The following SSH2 variants were observed in gnomAD, a reference collection of about 807,000 sequenced individuals.
SSH2 encodes the protein protein phosphatase Slingshot homolog 2.
Under a neutral mutation model 135.2 loss-of-function variants are expected in SSH2, and 37 were observed. The observed-to-expected ratio is 0.27, with a 90% CI of 0.21 to 0.36. SSH2 has a LOEUF of 0.36. Ranked by LOEUF, SSH2 falls within the 10% of genes least tolerant of loss-of-function variation. The probability of loss-of-function intolerance (pLI) is 1.00; values close to 1 mark genes in which losing one functional copy is unlikely to be tolerated. For synonymous variants in SSH2, 628 were observed against 646.2 expected, an observed-to-expected ratio of 0.97 and a Z score of 0.43; for missense variants, 1,408 against 1,765.3, an observed-to-expected ratio of 0.80 and a Z score of 3.63.
intron 5 of SSH2, among the ~76,000 whole-genome samples, chr17:29,690,953 GACAC>G (rs1355340074): frequency 6.6e-6 from 1 of 150,698 alleles, no homozygotes; most frequent in Non-Finnish European, 1.5e-5. Flanking sequence ...CACACACATA[GACAC>G]ACACACTCTC....
At chr17:29,800,200 C>T (rs376808351) in intron 2 of SSH2, among the ~76,000 whole-genome samples, 5 of 148,666 alleles carry the variant, frequency 3.4e-5, no homozygotes, top group African/African-American at 7.5e-5. Context: ...CTGTTTACTT[C>T]GAAAAAAAAA....
chr17:29,666,686 C>T (rs753480720), intron 11 of SSH2, among the ~76,000 whole-genome samples, 181 bp downstream of exon 11: 5 of 152,100 alleles, frequency 3.3e-5, no homozygotes, highest in East Asian at 1.9e-4. Flanking sequence ...GTCACACACA[C>T]GCACACACAC....
chr17:29,704,434 G>A (rs2151129194), intron 3 of SSH2, among the ~76,000 whole-genome samples: 1 of 152,230 alleles, frequency 6.6e-6, no homozygotes, highest in Middle Eastern at 3.4e-3. Context: ...GGTCACAGTG[G>A]TTCATGCCTG....
At chr17:29,899,289 CAGA>C (rs1311532249) in intron 1 of SSH2, among the ~76,000 whole-genome samples, 1 of 151,662 alleles carries the variant, frequency 6.6e-6, no homozygotes, top group African/African-American at 2.4e-5. Flanking sequence ...GGCAATCAGG[CAGA>C]AGAAGGAAAT....
chr17:29,848,703 C>A lies in SSH2; in HGVS notation c.144+146G>T, dbSNP rs2065490612. 8 of 538,306 alleles carry A rather than the reference C, an allele frequency of 1.5e-5. 1 individual carries two copies. Among genetic ancestry groups the A allele is most frequent in the Non-Finnish European group, 2.6e-5 (8 of 304,006 alleles). The allele number at this position is 538,306 out of a possible 1,614,324, so 33.3% of individuals were successfully genotyped here. ...TTATATATACACTCATTCTAAGCCA[C>A]CTATTTGCCTTCCCAGACATTTGGC... On this transcript the variant is annotated intron_variant, in intron 2 of 15. Coordinates refer to ENST00000540801, the MANE Select transcript of SSH2 (RefSeq NM_001282129.2).
intron 3 of SSH2, among the ~76,000 whole-genome samples, chr17:29,757,309 T>C (rs2041159703): frequency 6.6e-6 from 1 of 152,328 alleles, no homozygotes; most frequent in Middle Eastern, 3.4e-3. Flanking sequence ...TTAAAATATA[T>C]TTATTTACTC....
At chr17:29,786,924 A>G (rs1006015743) in intron 3 of SSH2, among the ~76,000 whole-genome samples, 2 of 152,126 alleles carry the variant, frequency 1.3e-5, no homozygotes, top group Non-Finnish European at 2.9e-5. Context: ...ACCCTGTCTC[A>G]ATCAATCAAT....
rs1190202309 is a variant in SSH2, at chr17:29,814,303, C to CGG, written c.145-20367_145-20366insCC. 3.7e-3 allele frequency among the ~76,000 whole-genome samples: 548 copies of CGG among 148,692 alleles called. 3 individuals are homozygous for CGG. The highest frequency in any genetic ancestry group is 0.013 in the African/African-American group (525 of 40,394). On this transcript the variant is annotated intron_variant, in intron 2 of 15. Transcript: ENST00000540801. ...ACAAAAAATTAGCCGGGCGTGGTGG[C>CGG]GCGCTTGTAGTCCCAGCTACTCGGG... is the stretch of plus-strand genomic sequence containing the variant.
chr17:29,799,967 T>C (rs891975303), intron 2 of SSH2, among the ~76,000 whole-genome samples: 2 of 152,210 alleles, frequency 1.3e-5, no homozygotes, highest in Admixed American at 1.3e-4. Flanking sequence ...CAGAGGGAGC[T>C]GAAGAAGAAG....
rs13380874 is a variant in SSH2 at position 29,653,669 on chromosome 17, C to T, written c.1079+1892G>A. 5.0e-3 allele frequency among the ~76,000 whole-genome samples: 756 copies of T among 152,218 alleles called. 4 individuals are homozygous for T. Among genetic ancestry groups the T allele is most frequent in the African/African-American group, 0.017 (721 of 41,530 alleles). The stretch of plus-strand genomic sequence containing the variant: ...TGGCATGATCTCAGCTCACTGCAAC[C>T]GCCACCTCCCGGGTTCAAGCAATTC... On this transcript the variant is annotated intron_variant, in intron 12 of 15. Transcript: ENST00000540801.
chr17:29,760,994 C>T lies in SSH2; in HGVS notation c.188+32900G>A, dbSNP rs531994828. 3.2e-5 allele frequency: 22 copies of T among 689,370 alleles called. No homozygotes were observed. The Middle Eastern group carries it at 1.4e-3, about 43-fold the overall frequency. The allele number at this position is 689,370 out of a possible 1,614,324, so 42.7% of individuals were successfully genotyped here. A position where few individuals can be genotyped will look rare whatever the true frequency, so the allele number is the denominator to read the frequency against. On this transcript the variant is annotated intron_variant, in intron 3 of 15. Coordinates refer to ENST00000540801, the MANE Select transcript of SSH2 (RefSeq NM_001282129.2). ...GAATCCCCCCACCGTTCTACCCCAG[C>T]ATCCTTCCCTCCAGACGCACGGAGA... is the stretch of plus-strand genomic sequence containing the variant.
At chr17:29,704,717 A>AC (rs1269360242) in intron 3 of SSH2, among the ~76,000 whole-genome samples, 1 of 151,364 alleles carries the variant, frequency 6.6e-6, no homozygotes, top group African/African-American at 2.4e-5. Flanking sequence ...AAAAAAAAAA[A>AC]AAAAAAAAGC....
At chr17:29,745,777 A>G (rs1024639348) in intron 3 of SSH2, among the ~76,000 whole-genome samples, 3 of 152,180 alleles carry the variant, frequency 2.0e-5, no homozygotes, top group Non-Finnish European at 4.4e-5. Context: ...TTAAGCTACC[A>G]TATCGTATTT....
At chr17:29,689,342 AT>A (rs1412269569) in intron 5 of SSH2, among the ~76,000 whole-genome samples, 1 of 152,224 alleles carries the variant, frequency 6.6e-6, no homozygotes, top group African/African-American at 2.4e-5. Context: ...TAAATTTAAA[AT>A]GGCAATTTTG....
intron 2 of SSH2, among the ~76,000 whole-genome samples, chr17:29,825,808 C>T (rs2151352170): frequency 1.3e-5 from 2 of 152,298 alleles, no homozygotes; most frequent in East Asian, 3.8e-4. Flanking sequence ...GTTTTAAACA[C>T]CTGTCATTAT....
intron 2 of SSH2, among the ~76,000 whole-genome samples, chr17:29,839,633 A>G (rs375058228): frequency 2.0e-5 from 3 of 152,192 alleles, no homozygotes; most frequent in African/African-American, 7.2e-5. Flanking sequence ...TGAAGAAGAA[A>G]TATGTCAGGT....
intron 1 of SSH2, among the ~76,000 whole-genome samples, chr17:29,857,635 T>G (rs2065686420): frequency 6.6e-6 from 1 of 152,050 alleles, no homozygotes; most frequent in South Asian, 2.1e-4. Context: ...GACTAAAAAT[T>G]ACCACACCCA....
intron 1 of SSH2, among the ~76,000 whole-genome samples, chr17:29,849,541 T>C (rs2151388208): frequency 6.6e-6 from 1 of 151,704 alleles, no homozygotes; most frequent in Non-Finnish European, 1.5e-5. Context: ...CTCTGAACTC[T>C]TCTCAGACTG....
chr17:29,657,820 C>T (rs985518750), intron 11 of SSH2, among the ~76,000 whole-genome samples: 2 of 151,672 alleles, frequency 1.3e-5, no homozygotes, highest in African/African-American at 4.8e-5. Context: ...AGTGATCCTC[C>T]CCACCTTGGC....
Sources: allele counts gnomAD v4.1 joint callset (sites outside exome capture counted in the v4.1 genomes callset), GRCh38; gene constraint gnomAD v4.1.1; transcripts MANE v1.5; gene names NCBI Gene and HGNC (gene_info 2026-07-23, HGNC 2026-07-21).